The following GALNT17 variants were observed in gnomAD, a reference collection of about 807,000 sequenced individuals.
The protein encoded by GALNT17 is UDP-GalNAc:polypeptide N-acetylgalactosaminyltransferase-like 3.
In GALNT17, 29 loss-of-function variants were observed where a neutral mutation model predicts 63.7. The ratio of observed to expected loss-of-function variants is 0.46; its 90% CI spans 0.34 to 0.62. The LOEUF is 0.62. Ranked by LOEUF, GALNT17 falls within the 20% of genes least tolerant of loss-of-function variation. GALNT17 has a pLI of 0.01. For missense variants in GALNT17, 603 were observed against 799.6 expected (o/e 0.75, Z 2.97); for synonymous variants, 305 against 318.3 (o/e 0.96, Z 0.45).
intron 5 of GALNT17, among the ~76,000 whole-genome samples, chr7:71,436,401 A>C (rs1786964073): frequency 6.6e-6 from 1 of 152,072 alleles, no homozygotes; most frequent in African/African-American, 2.4e-5. Flanking sequence ...GGACACTCTT[A>C]TTGTATGTCA....
intron 5 of GALNT17, among the ~76,000 whole-genome samples, chr7:71,533,106 G>A (rs189248576): frequency 6.6e-6 from 1 of 152,244 alleles, no homozygotes; most frequent in African/African-American, 2.4e-5. Flanking sequence ...TCACCACATG[G>A]CTTAAAAGTC....
intron 9 of GALNT17, 115 bp downstream of exon 9, chr7:71,677,421 T>C: frequency 9.6e-7 from 1 of 1,039,362 alleles, no homozygotes; most frequent in Non-Finnish European, 1.4e-6. Flanking sequence ...TTATTTATTC[T>C]GAGAAAAATT....
chr7:71,476,500 A>T (rs1421389002), intron 5 of GALNT17, among the ~76,000 whole-genome samples: 4 of 136,852 alleles, frequency 2.9e-5, no homozygotes, highest in African/African-American at 8.4e-5. Context: ...TATTTTGTTT[A>T]AAAAAAAAAA....
At chr7:71,595,899 T>A (rs1789878498) in intron 6 of GALNT17, among the ~76,000 whole-genome samples, 1 of 152,168 alleles carries the variant, frequency 6.6e-6, no homozygotes, top group Non-Finnish European at 1.5e-5. Flanking sequence ...AAAGACAATT[T>A]GTTGCAGGAA....
intron 1 of GALNT17, among the ~76,000 whole-genome samples, chr7:71,280,356 T>C (rs1790758479): frequency 1.3e-5 from 2 of 152,192 alleles, no homozygotes; most frequent in African/African-American, 2.4e-5. Context: ...GCTAAGGAGC[T>C]TCCTCTGTGG....
chr7:71,689,874 T>C (rs759489176), intron 9 of GALNT17, among the ~76,000 whole-genome samples: 3 of 152,152 alleles, frequency 2.0e-5, no homozygotes, highest in African/African-American at 4.8e-5. Context: ...CTGGTGACTT[T>C]AAGTTGAAGC....
intron 1 of GALNT17, among the ~76,000 whole-genome samples, chr7:71,161,917 C>T (rs1562875307): frequency 6.6e-6 from 1 of 151,962 alleles, no homozygotes; most frequent in Admixed American, 6.6e-5. Context: ...TTGGTCCCCC[C>T]ATTTATCGTC....
At chr7:71,350,028 G>C (rs1162099218) in intron 2 of GALNT17, among the ~76,000 whole-genome samples, 1 of 152,172 alleles carries the variant, frequency 6.6e-6, no homozygotes, top group Non-Finnish European at 1.5e-5. Context: ...GAACCCTGGT[G>C]GCAGAATTTG....
At chr7:71,608,330 A>G (rs1790076054) in intron 6 of GALNT17, among the ~76,000 whole-genome samples, 4 of 151,966 alleles carry the variant, frequency 2.6e-5, no homozygotes, top group Admixed American at 2.6e-4. Flanking sequence ...CCACTCATGC[A>G]GTTGCTGGCT....
Position 71,242,458 on chromosome 7 carries a change from C to T in GALNT17, c.239-93092C>T, listed in dbSNP as rs548605549. ...TAATTTTTTGTATTTTTAGTAGAGACAGGGTTTCACCATGTTAGCCAGGAT... is the reference window on the plus strand; with the variant it reads ...TAATTTTTTGTATTTTTAGTAGAGATAGGGTTTCACCATGTTAGCCAGGAT... On this transcript the variant is annotated intron_variant, in intron 1 of 10. Transcript: ENST00000333538. Among the ~76,000 whole-genome samples, 4 of 151,790 alleles carry T rather than the reference C, an allele frequency of 2.6e-5. No individual in the cohort carries two copies. In the East Asian group the frequency reaches 5.9e-4, roughly 22 times the overall value.
At chr7:71,422,978 C>T (rs886977627) in intron 5 of GALNT17, among the ~76,000 whole-genome samples, 1 of 152,118 alleles carries the variant, frequency 6.6e-6, no homozygotes, top group East Asian at 1.9e-4. Flanking sequence ...TTCAACTACC[C>T]CTGGCCGAAC....
intron 1 of GALNT17, among the ~76,000 whole-genome samples, chr7:71,289,708 C>A (rs552081709): frequency 6.6e-6 from 1 of 151,900 alleles, no homozygotes; most frequent in East Asian, 1.9e-4. Flanking sequence ...AGAGAAACCC[C>A]GTCTCTACTA....
At chr7:71,665,155 T>G (rs956736503) in intron 6 of GALNT17, among the ~76,000 whole-genome samples, 1 of 152,070 alleles carries the variant, frequency 6.6e-6, no homozygotes, top group Non-Finnish European at 1.5e-5. Flanking sequence ...TTTTCTATCT[T>G]TAGTAGAGAC....
At chr7:71,558,471 C>T (rs1206808827) in intron 5 of GALNT17, among the ~76,000 whole-genome samples, 1 of 152,126 alleles carries the variant, frequency 6.6e-6, no homozygotes, top group Admixed American at 6.6e-5. Context: ...ATCCTTAATT[C>T]TCTGGCCAGA....
chr7:71,305,892 T>C (rs942980894), intron 1 of GALNT17, among the ~76,000 whole-genome samples: 1 of 152,192 alleles, frequency 6.6e-6, no homozygotes, highest in African/African-American at 2.4e-5. Flanking sequence ...CTGGAAGCTT[T>C]AAGCAAGAGA....
intron 6 of GALNT17, among the ~76,000 whole-genome samples, chr7:71,635,009 C>T (rs998635556): frequency 6.6e-6 from 1 of 151,790 alleles, no homozygotes; most frequent in Non-Finnish European, 1.5e-5. Flanking sequence ...GAGTTCAAGA[C>T]CAGCCTGGCC....
intron 2 of GALNT17, among the ~76,000 whole-genome samples, chr7:71,347,637 A>G (rs1457879076): frequency 6.6e-6 from 1 of 152,040 alleles, no homozygotes; most frequent in African/African-American, 2.4e-5. Flanking sequence ...CCCAAGCAGC[A>G]CAGAAATCCA....
rs182618976 is a variant in GALNT17, at chr7:71,150,595, C to T, written c.238+17555C>T. On this transcript the variant is annotated intron_variant, in intron 1 of 10. Coordinates refer to ENST00000333538, the MANE Select transcript of GALNT17 (RefSeq NM_022479.3). Reference sequence around the variant, plus strand: ...GTGCGACCTCGGCTCACTGCAAGCTCCGCCTCCCAGGTGCATGCCATTCTC... The same window carrying T: ...GTGCGACCTCGGCTCACTGCAAGCTTCGCCTCCCAGGTGCATGCCATTCTC... Among the ~76,000 whole-genome samples the T allele has an allele frequency of 3.1e-3, 463 of 151,084 alleles. 2 individuals carry two copies. The highest frequency in any genetic ancestry group is 0.011 in the African/African-American group (452 of 41,092).
At position 71,388,287 on chromosome 7, in the gene GALNT17, A is replaced by G. The variant is rs1792985921; in HGVS notation, c.475A>G (p.Ile159Val). The G allele has an allele frequency of 1.2e-6, 2 of 1,613,776 alleles. No individual in the cohort carries two copies. Among genetic ancestry groups the G allele is most frequent in the Non-Finnish European group, 1.7e-6 (2 of 1,180,004 alleles). The change falls in exon 3 of 11, where the codon ATC becomes GTC. Residue 159 changes from isoleucine to valine, a missense_variant. Physicochemically the swap from Ile to Val is conservative, Grantham distance 29. Transcript: ENST00000333538. Reference sequence around the variant, plus strand: ...CCTGCCCCAGATATCCATCATATTCATCTTCGTGAACGAGGCCCTGTCGGT... The same window carrying G: ...CCTGCCCCAGATATCCATCATATTCGTCTTCGTGAACGAGGCCCTGTCGGT... The part of the protein sequence containing the change: ...KDLPQISIIF[I>V]FVNEALSVIL...
Sources: gnomAD v4.1 joint callset for allele counts (sites outside exome capture counted in the v4.1 genomes callset) on GRCh38, gnomAD v4.1.1 for gene constraint, MANE v1.5 for transcripts, NCBI Gene and HGNC (gene_info 2026-07-23, HGNC 2026-07-21) for gene names.